Variants in ANK3 observed in about 807,000 individuals in gnomAD.
ANK3 encodes the protein ankyrin 3, also known as ankyrin-3.
A neutral mutation model predicts 370.9 loss-of-function variants in ANK3; 57 were observed. That is an observed-to-expected ratio of 0.15 (90% CI 0.12 to 0.19). The LOEUF (loss-of-function observed/expected upper bound fraction) is 0.19, where lower values mean the gene tolerates loss of function less well. Ranked by LOEUF, ANK3 falls within the 10% of genes least tolerant of loss-of-function variation. ANK3 has a pLI of 1.00. For missense variants in ANK3, 4,439 were observed against 5,302.1 expected, an observed-to-expected ratio of 0.84 and a Z score of 5.06; for synonymous variants, 1,929 against 1,946.3, an observed-to-expected ratio of 0.99 and a Z score of 0.23.
At chr10:60,062,297 TAAA>T (rs1475945229) in intron 40 of ANK3, 1 of 152,210 alleles carries the variant, frequency 6.6e-6, no homozygotes, top group Non-Finnish European at 1.5e-5. Context: ...ATTGTAGGAA[TAAA>T]TTTTCATTTG....
chr10:60,236,803 C>T lies in ANK3; in HGVS notation c.799-2017G>A, dbSNP rs547002219. ...GTAAACAGACCAATATTGCTGTTAC[C>T]CAGGGTATAGGCAAACTTTGTCCGC... On this transcript the variant is annotated intron_variant, in intron 7 of 43. Coordinates refer to ENST00000280772, the MANE Select transcript of ANK3 (RefSeq NM_020987.5). Among the ~76,000 whole-genome samples, 106 of 152,200 alleles carry T rather than the reference C, an allele frequency of 7.0e-4. 1 individual carries two copies. The highest frequency in any genetic ancestry group is 3.5e-4 in the Non-Finnish European group (24 of 68,002).
At position 60,669,162 on chromosome 10, in the gene ANK3, T is replaced by C. The variant is rs140294053; in HGVS notation, c.58-53938A>G. 3.1e-3 allele frequency among the ~76,000 whole-genome samples: 478 copies of C among 152,266 alleles called. 4 individuals are homozygous for C. Among genetic ancestry groups the C allele is most frequent in the African/African-American group, 0.011 (453 of 41,538 alleles). On this transcript the variant is annotated intron_variant, in intron 1 of 43. Coordinates refer to the ANK3 transcript ENST00000373827. ...TTCTCCTTTCAGGCTGGATTGAGGA[T>C]TGAACTGATTGTATTTATGAGCTAC...
chr10:60,062,035 G>A (rs2080610541), intron 40 of ANK3: 1 of 152,204 alleles, frequency 6.6e-6, no homozygotes, highest in African/African-American at 2.4e-5. Flanking sequence ...GGAGGCAGAG[G>A]TGGGTGGATC....
At chr10:60,402,800 G>C (rs960917732) in intron 2 of ANK3, among the ~76,000 whole-genome samples, 1 of 152,124 alleles carries the variant, frequency 6.6e-6, no homozygotes, top group Non-Finnish European at 1.5e-5. Context: ...GCATCACCTA[G>C]CAGACTGGCA....
intron 1 of ANK3, among the ~76,000 whole-genome samples, chr10:60,645,964 G>A (rs1003408886): frequency 1.3e-5 from 2 of 152,108 alleles, no homozygotes; most frequent in African/African-American, 4.8e-5. Flanking sequence ...TAAATGCTCT[G>A]AAATAAATGC....
intron 42 of ANK3, among the ~76,000 whole-genome samples, chr10:60,052,861 G>A (rs886596433): frequency 6.6e-6 from 1 of 151,984 alleles, no homozygotes; most frequent in East Asian, 1.9e-4. Context: ...AACTGCTATA[G>A]GAGGTACAGG....
chr10:60,316,681 C>T (rs950475134), intron 1 of ANK3, among the ~76,000 whole-genome samples: 2 of 152,136 alleles, frequency 1.3e-5, no homozygotes, highest in African/African-American at 2.4e-5. Flanking sequence ...CACTGCAACC[C>T]TGTCTCGCAT....
chr10:60,096,358 T>C lies in ANK3; in HGVS notation c.3329-8000A>G, dbSNP rs77919073. Among the ~76,000 whole-genome samples the C allele has an allele frequency of 3.0e-3, 451 of 152,264 alleles. 5 individuals are homozygous for C. The highest frequency in any genetic ancestry group is 0.017 in the East Asian group (88 of 5,184). On this transcript the variant is annotated intron_variant, in intron 28 of 43. Transcript: ENST00000280772. ...ACTAATTAGGTCAAAGAAGCAGCAATATATTACCAAGAATCCTTTGTTTTG... is the reference window on the plus strand; with the variant it reads ...ACTAATTAGGTCAAAGAAGCAGCAACATATTACCAAGAATCCTTTGTTTTG...
chr10:60,470,845 G>T (rs1182838296), intron 2 of ANK3, among the ~76,000 whole-genome samples: 1 of 152,088 alleles, frequency 6.6e-6, no homozygotes, highest in Non-Finnish European at 1.5e-5. Flanking sequence ...CGTTTACAGA[G>T]AGAACAAAAC....
intron 7 of ANK3, among the ~76,000 whole-genome samples, chr10:60,249,810 A>ACTGAGCACCGTGCTGACTCTCCC (rs2097620150): frequency 6.6e-6 from 1 of 152,108 alleles, no homozygotes. Context: ...GAGGCTGCCC[A>ACTGAGCACCGTGCTGACTCTCCC]CTGAGCACCG....
In ANK3 at chr10:60,292,432, AT is replaced by A. The variant is rs748082952; in HGVS notation, c.115-12794del. On this transcript the variant is annotated intron_variant, in intron 1 of 43. Coordinates refer to ENST00000280772, the MANE Select transcript of ANK3 (RefSeq NM_020987.5). ...TCAAAACATACAGCAGCCCTGGAGAATTTTTTTTTTCTTAATACACGCTAAT... is the reference window on the plus strand; with the variant it reads ...TCAAAACATACAGCAGCCCTGGAGAATTTTTTTTTCTTAATACACGCTAAT... Among the ~76,000 whole-genome samples, 405 of 150,722 alleles carry A rather than the reference AT, an allele frequency of 2.7e-3. 2 individuals carry two copies. The highest frequency in any genetic ancestry group is 0.024 in the Middle Eastern group (7 of 292).
chr10:60,285,339 A>C (rs901750374), intron 1 of ANK3, among the ~76,000 whole-genome samples: 1 of 152,150 alleles, frequency 6.6e-6, no homozygotes, highest in African/African-American at 2.4e-5. Context: ...GTAGGTTCAC[A>C]CTGACTTATA....
intron 2 of ANK3, among the ~76,000 whole-genome samples, chr10:60,562,424 G>T (rs774692761): frequency 6.6e-6 from 1 of 152,008 alleles, no homozygotes; most frequent in African/African-American, 2.4e-5. Context: ...GGGCATCCGT[G>T]GGGTAGGGGG....
At chr10:60,179,394 G>T (rs997826753) in intron 18 of ANK3, among the ~76,000 whole-genome samples, 2 of 152,166 alleles carry the variant, frequency 1.3e-5, no homozygotes, top group Non-Finnish European at 2.9e-5. Context: ...TATCATACGG[G>T]GTACAAAAAT....
intron 2 of ANK3, among the ~76,000 whole-genome samples, chr10:60,446,450 C>A (rs1014995021): frequency 1.3e-5 from 2 of 152,118 alleles, no homozygotes; most frequent in Admixed American, 6.5e-5. Flanking sequence ...TCTTTTTATT[C>A]CTACAGTCAG....
chr10:60,279,460 T>C (rs1157637731), intron 2 of ANK3, 78 bp downstream of exon 2: 5 of 1,136,672 alleles, frequency 4.4e-6, no homozygotes, highest in Non-Finnish European at 6.4e-6. Flanking sequence ...ACCCCACAAA[T>C]AAATGAAGTC....
In ANK3 at chr10:60,119,522, T is replaced by G. The variant is rs561597773; in HGVS notation, c.2842-5191A>C. ...TGGCTCATGCCTATAATCCCAACAC[T>G]TTGGGAGGCTGAGGTGGGTGGATCA... is the stretch of plus-strand genomic sequence containing the variant. On this transcript the variant is annotated intron_variant, in intron 25 of 43. Coordinates refer to ENST00000280772, the MANE Select transcript of ANK3 (RefSeq NM_020987.5). 2.6e-5 allele frequency among the ~76,000 whole-genome samples: 4 copies of G among 152,226 alleles called. No individual in the cohort carries two copies. In the South Asian group the frequency reaches 8.3e-4, roughly 32 times the overall value.
chr10:60,322,258 C>A (rs1054146500), intron 1 of ANK3, among the ~76,000 whole-genome samples: 6 of 152,074 alleles, frequency 3.9e-5, no homozygotes, highest in Non-Finnish European at 7.4e-5. Flanking sequence ...GTTAAAATTT[C>A]TTTAGTACTT....
At chr10:60,289,486 G>A (rs577407817) in intron 1 of ANK3, among the ~76,000 whole-genome samples, 4 of 151,538 alleles carry the variant, frequency 2.6e-5, no homozygotes, top group Admixed American at 6.6e-5. Flanking sequence ...ATCATGGCTC[G>A]CTGTAGCCTC....
Sources: allele counts gnomAD v4.1 joint callset (sites outside exome capture counted in the v4.1 genomes callset), GRCh38; gene constraint gnomAD v4.1.1; transcripts MANE v1.5; gene names NCBI Gene and HGNC (gene_info 2026-07-23, HGNC 2026-07-21).